ARHGAP20: variants seen among roughly 807,000 people sequenced by gnomAD.
The protein encoded by ARHGAP20 is rho GTPase-activating protein 20.
A neutral mutation model predicts 73.7 loss-of-function variants in ARHGAP20; 34 were observed. The ratio of observed to expected loss-of-function variants is 0.46; its 90% confidence interval spans 0.35 to 0.61. ARHGAP20 has a LOEUF of 0.61. Among genes scored for constraint, ARHGAP20 ranks in the 20% least tolerant of loss-of-function variants. The pLI, the probability that ARHGAP20 is intolerant of heterozygous loss-of-function variation, is 0.00. For missense variants in ARHGAP20, 1,314 were observed against 1,420.9 expected (o/e 0.92, Z 1.21); for synonymous variants, 523 against 518.2 (o/e 1.01, Z -0.13).
At chr11:110,596,337 T>C (rs1017308628) in intron 9 of ARHGAP20, among the ~76,000 whole-genome samples, 21 of 150,204 alleles carry the variant, frequency 1.4e-4, no homozygotes, top group African/African-American at 5.0e-4. Context: ...CAAAAGAAAC[T>C]ACCATCAGAG....
At chr11:110,691,883 G>A (rs927083909) in intron 1 of ARHGAP20, among the ~76,000 whole-genome samples, 6 of 152,122 alleles carry the variant, frequency 3.9e-5, no homozygotes, top group Non-Finnish European at 7.4e-5. Flanking sequence ...TAAATGACAG[G>A]AAACACATGG....
chr11:110,639,082 T>C (rs1362503547), intron 2 of ARHGAP20, among the ~76,000 whole-genome samples: 3 of 152,028 alleles, frequency 2.0e-5, no homozygotes, highest in Non-Finnish European at 4.4e-5. Context: ...AACAAATAAC[T>C]GAGCATCTAT....
intron 5 of ARHGAP20, among the ~76,000 whole-genome samples, chr11:110,614,853 C>T (rs1193986290): frequency 1.3e-5 from 2 of 151,874 alleles, no homozygotes; most frequent in African/African-American, 4.8e-5. Context: ...GGCATGGGCA[C>T]AAAAAAATAG....
chr11:110,631,474 A>G (rs985980673), intron 2 of ARHGAP20, among the ~76,000 whole-genome samples: 2 of 152,200 alleles, frequency 1.3e-5, no homozygotes, highest in Non-Finnish European at 2.9e-5. Flanking sequence ...TATATATCGA[A>G]GTATTTTAAA....
chr11:110,595,036 C>A (rs1291458805), intron 9 of ARHGAP20, among the ~76,000 whole-genome samples: 2 of 151,352 alleles, frequency 1.3e-5, no homozygotes, highest in Non-Finnish European at 2.9e-5. Context: ...GAACCAAAGA[C>A]AAAAACCACA....
intron 2 of ARHGAP20, among the ~76,000 whole-genome samples, chr11:110,667,254 C>T (rs1239668354): frequency 3.3e-5 from 5 of 152,200 alleles, no homozygotes; most frequent in Non-Finnish European, 7.3e-5. Context: ...AAAAGACAAG[C>T]TGACTCCTTT....
intron 4 of ARHGAP20, among the ~76,000 whole-genome samples, chr11:110,623,810 T>C (rs1306948898): frequency 2.0e-5 from 3 of 152,158 alleles, no homozygotes; most frequent in Non-Finnish European, 4.4e-5. Flanking sequence ...AAGATGGGAC[T>C]ACTCTATTCC....
At chr11:110,703,666 T>C (rs1950500793) in intron 1 of ARHGAP20, among the ~76,000 whole-genome samples, 1 of 152,156 alleles carries the variant, frequency 6.6e-6, no homozygotes, top group Non-Finnish European at 1.5e-5. Context: ...TACATTATTC[T>C]TTGTTTCCTT....
intron 2 of ARHGAP20, among the ~76,000 whole-genome samples, chr11:110,652,278 T>C (rs1038526728): frequency 6.6e-6 from 1 of 152,104 alleles, no homozygotes. Context: ...ACAGCCAGTA[T>C]CATACTGAAT....
rs76611213 is a variant in ARHGAP20 at position 110,656,238 on chromosome 11, T to C, written c.189-25446A>G. Among the ~76,000 whole-genome samples the C allele has an allele frequency of 6.6e-3, 997 of 152,144 alleles. 25 individuals carry two copies. The highest frequency in any genetic ancestry group is 0.06 in the East Asian group (307 of 5,158). ...TGCTTGTTACTCAGCATTAGGCTTT[T>C]GGTGGGAGCACGTGGGATTCTTAGT... On this transcript the variant is annotated intron_variant, in intron 2 of 14. Transcript: ENST00000683387.
At chr11:110,622,472 T>C (rs139512078) in intron 4 of ARHGAP20, among the ~76,000 whole-genome samples, 2 of 152,356 alleles carry the variant, frequency 1.3e-5, no homozygotes, top group South Asian at 2.1e-4. Flanking sequence ...TCATGGTCCA[T>C]TTGTCAAAAC....
rs763759199 is a variant in ARHGAP20, at chr11:110,580,914, A to T, written c.2032T>A (p.Ser678Thr). The T allele has an allele frequency of 1.2e-6, 2 of 1,613,660 alleles. No homozygotes were observed. The highest frequency in any genetic ancestry group is 2.2e-5 in the East Asian group (1 of 44,860). ...IPLRDHARAP[S>T]AMCTPSYLST... ...AGGTAGCTGGGTGTGCACATGGCAG[A>T]TGGGGCCCTGGCATGATCCCGCAGT... The change falls in exon 15 of 15, where the codon TCT becomes ACT. Residue 678 changes from serine to threonine, a missense_variant. This residue lies in a region of ARHGAP20 where 641 missense variants were observed against 636.9 expected (regional missense o/e 1.01). Coordinates refer to ENST00000683387, the MANE Select transcript of ARHGAP20 (RefSeq NM_001384657.1).
chr11:110,686,931 C>T (rs1181488619), intron 2 of ARHGAP20, among the ~76,000 whole-genome samples: 2 of 151,492 alleles, frequency 1.3e-5, no homozygotes, highest in African/African-American at 4.9e-5. Flanking sequence ...AGCATAATCT[C>T]ATCTTTATAA....
intron 2 of ARHGAP20, among the ~76,000 whole-genome samples, chr11:110,667,998 A>G (rs1254305418): frequency 3.9e-5 from 6 of 152,256 alleles, no homozygotes; most frequent in African/African-American, 1.2e-4. Context: ...CAAAGGACTT[A>G]GACTTAATTG....
At chr11:110,646,415 T>C (rs1391298564) in intron 2 of ARHGAP20, among the ~76,000 whole-genome samples, 1 of 152,124 alleles carries the variant, frequency 6.6e-6, no homozygotes, top group East Asian at 1.9e-4. Context: ...AACCACATAA[T>C]GAATAATTGC....
intron 1 of ARHGAP20, among the ~76,000 whole-genome samples, chr11:110,698,274 T>A (rs1950375994): frequency 6.6e-6 from 1 of 151,874 alleles, no homozygotes; most frequent in Non-Finnish European, 1.5e-5. Flanking sequence ...TAAAACACAC[T>A]TGATCATGAT....
rs79434173 is a variant in ARHGAP20 at position 110,636,750 on chromosome 11, C to A, written c.189-5958G>T. ...TTCATGGAAGGAAACAAAAACACAA[C>A]TTTTGTGTTTTTTAATACAATATTA... On this transcript the variant is annotated intron_variant, in intron 2 of 14. Coordinates refer to ENST00000683387, the MANE Select transcript of ARHGAP20 (RefSeq NM_001384657.1). Among the ~76,000 whole-genome samples, 614 of 151,978 alleles carry A rather than the reference C, an allele frequency of 4.0e-3. 6 individuals carry two copies. The highest frequency in any genetic ancestry group is 0.014 in the African/African-American group (574 of 41,498).
intron 1 of ARHGAP20, among the ~76,000 whole-genome samples, chr11:110,711,071 G>T (rs1156546974): frequency 2.0e-5 from 3 of 151,740 alleles, no homozygotes; most frequent in Non-Finnish European, 4.4e-5. Flanking sequence ...GGAGGCGGGG[G>T]ACAGGCAGAC....
chr11:110,709,957 G>A lies in ARHGAP20; in HGVS notation c.105+2170C>T, dbSNP rs79060719. On this transcript the variant is annotated intron_variant, in intron 1 of 14. Transcript: ENST00000683387. ...TGCAAAGGTACAAGTGAGAGATGGC[G>A]GCTTGGCTTGGACTACACTGGCAAC... Among the ~76,000 whole-genome samples the A allele has an allele frequency of 5.3e-4, 80 of 152,258 alleles. No homozygotes were observed. The East Asian group carries it at 7.5e-3, about 14-fold the overall frequency.
Sources: allele counts gnomAD v4.1 joint callset (sites outside exome capture counted in the v4.1 genomes callset), GRCh38; gene constraint gnomAD v4.1.1; regional missense constraint gnomAD v4.1.1; transcripts MANE v1.5; gene names NCBI Gene and HGNC (gene_info 2026-07-23, HGNC 2026-07-21).